RRP9: variants seen among roughly 807,000 people sequenced by gnomAD.
RRP9 encodes the protein ribosomal RNA processing 9, U3 small nucleolar RNA binding protein.
Under a neutral mutation model 65.5 loss-of-function variants are expected in RRP9, and 35 were observed. The observed-to-expected ratio is 0.53, with a 90% CI of 0.41 to 0.71. The LOEUF (loss-of-function observed/expected upper bound fraction) is 0.71, where lower values mean the gene tolerates loss of function less well. Among genes scored for constraint, RRP9 ranks in the 30% least tolerant of loss-of-function variants. RRP9 has a pLI of 0.00. For missense variants in RRP9, 533 were observed against 633.6 expected, an observed-to-expected ratio of 0.84 and a Z score of 1.70; for synonymous variants, 254 against 245.0, an observed-to-expected ratio of 1.04 and a Z score of -0.34.
In RRP9 at chr3:51,935,698, G is replaced by A. The variant is rs749541713; in HGVS notation, c.736-6C>T. 2.5e-5 allele frequency: 41 copies of A among 1,611,974 alleles called. No homozygotes were observed. The highest frequency in any genetic ancestry group is 1.3e-5 in the African/African-American group (1 of 74,852). ...CCTCTGCGGAATGCCAGACCCTAAG[G>A]GTGCATGGGGAGAGGGCAAAGGGGA... is the stretch of plus-strand genomic sequence containing the variant. On this transcript the variant is annotated splice_polypyrimidine_tract_variant and splice_region_variant and intron_variant, in intron 8 of 14. Transcript: ENST00000232888.
chr3:51,934,646 CTGTG>C lies in RRP9; in HGVS notation c.1161_1164del (p.Asn387LysfsTer53). Reference sequence around the variant, plus strand: ...GGGCACCCACCTGTGGCCACAAGGTCTGTGTTGAGGAGGGCTGCCACCGACGATA... The same window carrying C: ...GGGCACCCACCTGTGGCCACAAGGTCTTGAGGAGGGCTGCCACCGACGATA... On this transcript the variant is annotated frameshift_variant, in exon 12 of 15. Transcript: ENST00000232888. LOFTEE classifies it high-confidence loss of function. The surrounding 1 kb of genome is among the most constrained non-coding windows in gnomAD (Gnocchi z 4.1). 3 of 1,614,084 alleles carry C rather than the reference CTGTG, an allele frequency of 1.9e-6. No homozygotes were observed. Among genetic ancestry groups the C allele is most frequent in the Non-Finnish European group, 2.5e-6 (3 of 1,180,026 alleles).
chr3:51,935,086 G>A, intron 11 of RRP9, 111 bp downstream of exon 11: 1 of 1,169,994 alleles, frequency 8.5e-7, no homozygotes, highest in South Asian at 1.3e-5. Context: ...CATGAAAAGA[G>A]GTTACAACAG....
Position 51,938,135 on chromosome 3 carries a change from C to T in RRP9, c.240G>A (p.Leu80=), listed in dbSNP as rs780423505. The T allele has an allele frequency of 6.2e-7, 1 of 1,608,720 alleles. No homozygotes were observed. The part of the protein sequence containing the change: ...ELEETAQEKK[L]RLAKLYLEQL... ...GCTCTAGGTAGAGCTTGGCCAAGCG[C>T]AGCTTCTTTTCCTGTGCAGTTTCCT... Residue 80 remains leucine (L), a synonymous_variant, in exon 3 of 15, where the codon CTG becomes CTA. Transcript: ENST00000232888.
intron 11 of RRP9, 109 bp downstream of exon 11, chr3:51,935,088 T>C: frequency 8.3e-7 from 1 of 1,198,732 alleles, no homozygotes; most frequent in Non-Finnish European, 1.2e-6. Context: ...TGAAAAGAGG[T>C]TACAACAGCT....
Position 51,934,529 on chromosome 3 carries a change from C to T in RRP9, c.1203G>A (p.Arg401=), listed in dbSNP as rs1399322258. 5 of 1,614,070 alleles carry T rather than the reference C, an allele frequency of 3.1e-6. No homozygotes were observed. The highest frequency in any genetic ancestry group is 1.1e-5 in the South Asian group (1 of 91,060). Residue 401 remains arginine (R), a synonymous_variant, in exon 13 of 15, where the codon CGG becomes CGA. Transcript: ENST00000232888. The surrounding 1 kb of genome is among the most constrained non-coding windows in gnomAD (Gnocchi z 4.1). ...VATGSHSSCV[R]LWQCGEGFRQ... Reference sequence around the variant, plus strand: ...GGAAGCCTTCCCCACACTGCCAAAGCCGCACACAGGAGCTGTGGGAGCCTG... The same window carrying T: ...GGAAGCCTTCCCCACACTGCCAAAGTCGCACACAGGAGCTGTGGGAGCCTG...
At position 51,934,659 on chromosome 3, in the gene RRP9, G is replaced by A; in HGVS notation, c.1152C>T (p.Ala384=). ...EQPFWISSVA[A]LLNTDLVATG... ...TGGCCACAAGGTCTGTGTTGAGGAG[G>A]GCTGCCACCGACGATATCCAGAAGG... The change falls in exon 12 of 15, where the codon GCC becomes GCT. Residue 384 remains alanine (A), a synonymous_variant. Transcript: ENST00000232888. The surrounding 1 kb of genome is among the most constrained non-coding windows in gnomAD (Gnocchi z 4.1). 2.5e-6 allele frequency: 4 copies of A among 1,614,148 alleles called. No individual in the cohort carries two copies. Among genetic ancestry groups the A allele is most frequent in the Non-Finnish European group, 3.4e-6 (4 of 1,180,040 alleles).
intron 8 of RRP9, among the ~76,000 whole-genome samples, chr3:51,936,034 G>A (rs1049604989): frequency 1.3e-5 from 2 of 152,122 alleles, no homozygotes; most frequent in Non-Finnish European, 2.9e-5. Context: ...CCCAGAGGCG[G>A]CTTCTCAAGG....
At chr3:51,938,269 C>A in intron 2 of RRP9, 65 bp from the exon 3 acceptor site, 1 of 1,231,028 alleles carries the variant, frequency 8.1e-7, no homozygotes, top group Non-Finnish European at 1.1e-6. Context: ...AGGATCGTGC[C>A]TTCTGGATGC....
chr3:51,934,749 C>T lies in RRP9; in HGVS notation c.1062G>A (p.Lys354=). Residue 354 remains lysine, a synonymous_variant, in exon 12 of 15, where the codon AAG becomes AAA. Transcript: ENST00000232888. The surrounding 1 kb of genome is among the most constrained non-coding windows in gnomAD (Gnocchi z 4.1). ...CACGCTGCAGGGCAAGTGGTCGCTT[C>T]TTGGAGAGACCCCACAAGGCCACAG... ...DGSVALWGLS[K]KRPLALQREA... 1 of 1,613,988 alleles carries T rather than the reference C, an allele frequency of 6.2e-7. No individual in the cohort carries two copies. The highest frequency in any genetic ancestry group is 8.5e-7 in the Non-Finnish European group (1 of 1,179,996).
At chr3:51,935,035 C>T (rs948604398) in intron 11 of RRP9, among the ~76,000 whole-genome samples, 162 bp downstream of exon 11, 1 of 152,130 alleles carries the variant, frequency 6.6e-6, no homozygotes, top group Non-Finnish European at 1.5e-5. Context: ...GCACACAGCC[C>T]GGACAAGGCC....
chr3:51,937,055 G>T lies in RRP9; in HGVS notation c.517+137C>A. 1.9e-6 allele frequency: 2 copies of T among 1,057,040 alleles called. No individual in the cohort carries two copies. Among genetic ancestry groups the T allele is most frequent in the Non-Finnish European group, 1.4e-6 (1 of 723,544 alleles). 65.5% of individuals were successfully genotyped at this position (1,057,040 alleles called of 1,614,324 possible). ...AGCAGCTTTCACTGTCACCCAGAGA[G>T]CACTCCTAGGGCAGCAAACCTGCCT... On this transcript the variant is annotated intron_variant, in intron 6 of 14. Coordinates refer to ENST00000232888, the MANE Select transcript of RRP9 (RefSeq NM_004704.5). The surrounding 1 kb of genome is among the most constrained non-coding windows in gnomAD (Gnocchi z 5.0).
chr3:51,939,818 C>G (rs575814377), intron 2 of RRP9, among the ~76,000 whole-genome samples: 2 of 152,284 alleles, frequency 1.3e-5, no homozygotes, highest in South Asian at 4.1e-4. Context: ...TACCATTTTA[C>G]CATTACTCTC....
chr3:51,941,359 C>A, intron 2 of RRP9, 50 bp downstream of exon 2: 1 of 1,458,326 alleles, frequency 6.9e-7, no homozygotes, highest in Non-Finnish European at 9.6e-7. Context: ...GTCTTCCGTG[C>A]ACCATGGGAC....
chr3:51,939,838 A>G (rs558097917), intron 2 of RRP9, among the ~76,000 whole-genome samples: 1 of 152,322 alleles, frequency 6.6e-6, no homozygotes, highest in African/African-American at 2.4e-5. Flanking sequence ...CTGTAGTGCA[A>G]ATATATCTCA....
Position 51,935,328 on chromosome 3 carries a change from G to A in RRP9, c.971+14C>T. 1 of 1,614,096 alleles carries A rather than the reference G, an allele frequency of 6.2e-7. No homozygotes were observed. The highest frequency in any genetic ancestry group is 8.5e-7 in the Non-Finnish European group (1 of 1,179,974). On this transcript the variant is annotated intron_variant, in intron 10 of 14. Transcript: ENST00000232888. The stretch of plus-strand genomic sequence containing the variant: ...AGCCCATGTAGCCCCCACTGGCATG[G>A]CAGGCCACCTTACTGGTGGCCATAG...
Position 51,935,366 on chromosome 3 carries a change from G to A in RRP9, c.947C>T (p.Ser316Phe), listed in dbSNP as rs761880404. 2 of 1,614,138 alleles carry A rather than the reference G, an allele frequency of 1.2e-6. No individual in the cohort carries two copies. The highest frequency in any genetic ancestry group is 8.5e-7 in the Non-Finnish European group (1 of 1,179,994). The change falls in exon 10 of 15, where the codon TCC (serine) becomes TTC (phenylalanine). Residue 316 changes from serine (S) to phenylalanine (F), a missense_variant. Transcript: ENST00000232888. ...TVRVWKIPEE[S>F]QLVFYGHQGS... ...CTGGTGGCCATAGAAGACAAGCTGG[G>A]ACTCCTCGGGGATCTTCCACACACG...
Position 51,934,874 on chromosome 3 carries a change from A to G in RRP9, c.1035-98T>C. 7.8e-7 allele frequency: 1 copy of G among 1,281,696 alleles called. No individual in the cohort carries two copies. 79.4% of individuals were successfully genotyped at this position (1,281,696 alleles called of 1,614,324 possible). ...TAATGCTTGAGGGGATGGATACCCC[A>G]TTTCCCATGATGTGATTATTACATA... is the stretch of plus-strand genomic sequence containing the variant. On this transcript the variant is annotated intron_variant, in intron 11 of 14. Coordinates refer to ENST00000232888, the MANE Select transcript of RRP9 (RefSeq NM_004704.5). The surrounding 1 kb of genome is among the most constrained non-coding windows in gnomAD (Gnocchi z 4.1).
At position 51,936,290 on chromosome 3, in the gene RRP9, C is replaced by T. The variant is rs761565530; in HGVS notation, c.702G>A (p.Leu234=). The T allele has an allele frequency of 1.9e-6, 3 of 1,614,070 alleles. No homozygotes were observed. Among genetic ancestry groups the T allele is most frequent in the South Asian group, 2.2e-5 (2 of 91,082 alleles). ...CATCCCGGTGTCCTGTGAAGGTGTA[C>T]AAGTGCTGGCAGCTCTGGGCCTCCC... ...LIWEAQSCQH[L]YTFTGHRDAV... is the part of the protein sequence containing the mutation. The change falls in exon 8 of 15, where the codon TTG becomes TTA. Residue 234 remains leucine (L), a synonymous_variant. Coordinates refer to ENST00000232888, the MANE Select transcript of RRP9 (RefSeq NM_004704.5).
intron 2 of RRP9, among the ~76,000 whole-genome samples, chr3:51,939,236 C>T (rs1265670434): frequency 6.6e-6 from 1 of 152,236 alleles, no homozygotes; most frequent in African/African-American, 2.4e-5. Context: ...CAAAGCTGGA[C>T]CATGCCCCAG....
Sources: allele counts gnomAD v4.1 joint callset (sites outside exome capture counted in the v4.1 genomes callset), GRCh38; gene constraint gnomAD v4.1.1; non-coding constraint Gnocchi (gnomAD v3.1); transcripts MANE v1.5; gene names NCBI Gene and HGNC (gene_info 2026-07-23, HGNC 2026-07-21).